SEPTIN10: variants seen among roughly 807,000 people sequenced by gnomAD.
The protein encoded by SEPTIN10 is septin 10.
Under a neutral mutation model 54.8 loss-of-function variants are expected in SEPTIN10, and 66 were observed. That is an observed-to-expected ratio of 1.21 (90% CI 0.99 to 1.48). SEPTIN10 has a LOEUF of 1.48. Ranked by LOEUF, SEPTIN10 falls within the 40% of genes most tolerant of loss-of-function variation. The pLI is 0.00. For synonymous variants in SEPTIN10, 161 were observed against 181.0 expected (o/e 0.89, Z 0.89); for missense variants, 620 against 545.6 (o/e 1.14, Z -1.36).
intron 4 of SEPTIN10, among the ~76,000 whole-genome samples, chr2:109,583,166 A>T (rs1205017263): frequency 1.3e-5 from 2 of 151,956 alleles, no homozygotes; most frequent in African/African-American, 4.8e-5. Flanking sequence ...CAAAAACAAA[A>T]ATTGCCAATT....
chr2:109,609,564 C>T (rs905990578), intron 1 of SEPTIN10, among the ~76,000 whole-genome samples: 19 of 149,350 alleles, frequency 1.3e-4, no homozygotes, highest in African/African-American at 4.2e-4. Flanking sequence ...TTTTCACTGC[C>T]GAGATCGCGC....
At chr2:109,561,997 G>T (rs1026665159) in intron 8 of SEPTIN10, among the ~76,000 whole-genome samples, 1 of 144,254 alleles carries the variant, frequency 6.9e-6, no homozygotes, top group East Asian at 2.4e-4. Context: ...CTGACCCCAA[G>T]GCCAGGAATT....
At chr2:109,595,025 TA>T (rs1695004149) in intron 1 of SEPTIN10, 1 of 152,158 alleles carries the variant, frequency 6.6e-6, no homozygotes, top group African/African-American at 2.4e-5. Flanking sequence ...CAGCTGGGAT[TA>T]CCGGCAAGCA....
At chr2:109,588,551 T>C (rs1162141109) in intron 2 of SEPTIN10, among the ~76,000 whole-genome samples, 2 of 152,078 alleles carry the variant, frequency 1.3e-5, no homozygotes, top group Non-Finnish European at 2.9e-5. Context: ...TGGAGTGAAG[T>C]GGTATGATCT....
intron 8 of SEPTIN10, among the ~76,000 whole-genome samples, chr2:109,558,828 C>T (rs1037365641): frequency 6.6e-6 from 1 of 152,022 alleles, no homozygotes; most frequent in African/African-American, 2.4e-5. Context: ...TTTTACATGC[C>T]AACCAAATTA....
In SEPTIN10 at chr2:109,613,926, G is replaced by A. The variant is rs1699883323; in HGVS notation, c.-99C>T. On this transcript the variant is annotated 5_prime_UTR_variant, in exon 1 of 11. Transcript: ENST00000397712. ...GGAAGGCCGGAGGGCAGAAGCAACGGGCGGGGCGCGAGGCTAGGCTGCCTC... is the reference window on the plus strand; with the variant it reads ...GGAAGGCCGGAGGGCAGAAGCAACGAGCGGGGCGCGAGGCTAGGCTGCCTC... The A allele has an allele frequency of 1.6e-6, 2 of 1,222,532 alleles. No individual in the cohort carries two copies. The highest frequency in any genetic ancestry group is 4.3e-5 in the Admixed American group (1 of 23,310). The allele number at this position is 1,222,532 out of a possible 1,614,324, so 75.7% of individuals were successfully genotyped here.
At chr2:109,596,135 G>A (rs544248146) in intron 1 of SEPTIN10, among the ~76,000 whole-genome samples, 4 of 152,192 alleles carry the variant, frequency 2.6e-5, no homozygotes, top group East Asian at 3.9e-4. Context: ...GGGCTCAGGC[G>A]ATCCTCCCAC....
At chr2:109,592,395 G>A (rs150636782) in intron 2 of SEPTIN10, among the ~76,000 whole-genome samples, 8,218 of 152,066 alleles carry the variant, frequency 0.054, 682 homozygotes, top group East Asian at 0.24. Context: ...AACCCGGGAG[G>A]CAGAGGTTGC....
chr2:109,602,750 C>T (rs980177434), intron 1 of SEPTIN10, among the ~76,000 whole-genome samples: 3 of 150,296 alleles, frequency 2.0e-5, no homozygotes, highest in East Asian at 2.0e-4. Flanking sequence ...TCCATGCAGG[C>T]TAGGTGACAG....
rs928771787 is a variant in SEPTIN10 at position 109,589,569 on chromosome 2, T to C, written c.99+3482A>G. 1.1e-4 allele frequency among the ~76,000 whole-genome samples: 17 copies of C among 152,072 alleles called. 1 individual carries two copies. The highest frequency in any genetic ancestry group is 3.4e-3 in the Middle Eastern group (1 of 294). ...AAATAAAAATAAATAAAAAGTAACA[T>C]TGAATATCCAATAAAACAGCTAAAA... On this transcript the variant is annotated intron_variant, in intron 2 of 10. Coordinates refer to ENST00000397712, the MANE Select transcript of SEPTIN10 (RefSeq NM_144710.5).
chr2:109,564,006 CT>C (rs1049041452), intron 8 of SEPTIN10, among the ~76,000 whole-genome samples: 1 of 152,068 alleles, frequency 6.6e-6, no homozygotes, highest in Admixed American at 6.6e-5. Flanking sequence ...TCCAACTTAC[CT>C]TTATGACAAC....
intron 8 of SEPTIN10, among the ~76,000 whole-genome samples, chr2:109,559,911 C>CTTT (rs1185486244): frequency 0.012 from 1,388 of 117,492 alleles, 64 homozygotes; most frequent in African/African-American, 0.037. Context: ...CAACCAATGC[C>CTTT]TTTTTTTTTT....
intron 1 of SEPTIN10, among the ~76,000 whole-genome samples, chr2:109,599,193 C>T (rs1696004772): frequency 6.6e-6 from 1 of 152,090 alleles, no homozygotes; most frequent in South Asian, 2.1e-4. Context: ...CGCGGTGGCT[C>T]ACACCTGTAA....
intron 4 of SEPTIN10, among the ~76,000 whole-genome samples, chr2:109,581,668 T>C (rs1691188043): frequency 6.6e-6 from 1 of 152,152 alleles, no homozygotes. Context: ...TACTGCTTCA[T>C]TAATTGATAG....
chr2:109,550,494 A>G (rs1207298127), intron 9 of SEPTIN10, among the ~76,000 whole-genome samples: 4 of 151,620 alleles, frequency 2.6e-5, no homozygotes, highest in Non-Finnish European at 5.9e-5. Flanking sequence ...TTGTATTTTT[A>G]GTAGAGATGG....
At chr2:109,563,789 A>G (rs1036768321) in intron 8 of SEPTIN10, among the ~76,000 whole-genome samples, 8 of 152,192 alleles carry the variant, frequency 5.3e-5, no homozygotes, top group Non-Finnish European at 1.2e-4. Flanking sequence ...AAACCTTTAC[A>G]GAAGAAAAAC....
intron 1 of SEPTIN10, among the ~76,000 whole-genome samples, chr2:109,598,350 G>A (rs1338353145): frequency 1.3e-5 from 2 of 152,054 alleles, no homozygotes; most frequent in African/African-American, 2.4e-5. Flanking sequence ...TTATAGGCGT[G>A]AGCCACTGCG....
intron 4 of SEPTIN10, among the ~76,000 whole-genome samples, chr2:109,582,817 T>G (rs766830889): frequency 2.0e-5 from 3 of 152,128 alleles, no homozygotes; most frequent in Non-Finnish European, 2.9e-5. Context: ...ATGGTTGTGG[T>G]ATAAAAACAG....
chr2:109,568,026 A>G, intron 5 of SEPTIN10, 50 bp from the exon 6 acceptor site: 1 of 1,374,834 alleles, frequency 7.3e-7, no homozygotes, highest in East Asian at 2.4e-5. Context: ...TTTTTTTTTA[A>G]TCCTGCAGCT....
Sources: allele counts gnomAD v4.1 joint callset (sites outside exome capture counted in the v4.1 genomes callset), GRCh38; gene constraint gnomAD v4.1.1; transcripts MANE v1.5; gene names NCBI Gene and HGNC (gene_info 2026-07-23, HGNC 2026-07-21).